Variants in GHRHR observed in about 807,000 individuals in gnomAD.
The protein encoded by GHRHR is growth hormone releasing hormone receptor.
GHRHR carries 40 observed loss-of-function variants against 58.3 expected under a neutral mutation model. The observed-to-expected ratio is 0.69, with a 90% CI of 0.53 to 0.89. GHRHR has a LOEUF of 0.89. Among genes scored for constraint, GHRHR ranks in the 40% least tolerant of loss-of-function variants. The probability of loss-of-function intolerance (pLI) is 0.00; values close to 1 mark genes in which losing one functional copy is unlikely to be tolerated. For missense variants in GHRHR, 551 were observed against 541.3 expected, an observed-to-expected ratio of 1.02 and a Z score of -0.18; for synonymous variants, 249 against 216.6, an observed-to-expected ratio of 1.15 and a Z score of -1.31.
At position 30,972,286 on chromosome 7, in the gene GHRHR, G is replaced by A. The variant is rs903510684; in HGVS notation, c.597+191G>A. 1.6e-5 allele frequency: 10 copies of A among 632,176 alleles called. No individual in the cohort carries two copies. In the African/African-American group the frequency reaches 1.6e-4, roughly 10 times the overall value. The allele number at this position is 632,176 out of a possible 1,614,324, so 39.2% of individuals were successfully genotyped here. On this transcript the variant is annotated intron_variant, in intron 6 of 12. Transcript: ENST00000326139. ...AGTCCTCACGCCTTTCCTGGACTGT[G>A]GTGTCGATCCATGTCATTTCCCATA...
chr7:30,967,602 T>A (rs867318346), intron 1 of GHRHR, among the ~76,000 whole-genome samples: 1 of 151,764 alleles, frequency 6.6e-6, no homozygotes, highest in East Asian at 1.9e-4. Flanking sequence ...GTCATCTGTC[T>A]ATCCATCCAT....
intron 11 of GHRHR, among the ~76,000 whole-genome samples, chr7:30,976,918 A>G (rs539756306): frequency 1.4e-5 from 2 of 139,672 alleles, no homozygotes; most frequent in East Asian, 4.2e-4. Flanking sequence ...CCATCTATAC[A>G]TCCATCCACC....
rs545142369 is a variant in GHRHR at position 30,966,969 on chromosome 7, G to A, written c.58-1865G>A. On this transcript the variant is annotated intron_variant, in intron 1 of 12. Coordinates refer to ENST00000326139, the MANE Select transcript of GHRHR (RefSeq NM_000823.4). ...TGTCCTGCTTCTGATCACAGTTTGCGCAGGGTCTATTAGGATCCAGCCCTT... is the reference window on the plus strand; with the variant it reads ...TGTCCTGCTTCTGATCACAGTTTGCACAGGGTCTATTAGGATCCAGCCCTT... 2.4e-4 allele frequency among the ~76,000 whole-genome samples: 37 copies of A among 152,238 alleles called. 1 individual carries two copies. The highest frequency in any genetic ancestry group is 3.4e-3 in the Middle Eastern group (1 of 294).
At chr7:30,968,978 T>A in intron 2 of GHRHR, 42 bp downstream of exon 2, 1 of 1,558,778 alleles carries the variant, frequency 6.4e-7, no homozygotes, top group Non-Finnish European at 8.8e-7. Flanking sequence ...TCTGATTCCT[T>A]TATATCCTCC....
intron 1 of GHRHR, among the ~76,000 whole-genome samples, chr7:30,965,779 C>T (rs1356354620): frequency 6.6e-6 from 1 of 152,244 alleles, no homozygotes; most frequent in Non-Finnish European, 1.5e-5. Context: ...CACAGCTCTT[C>T]CAACAGCCCA....
intron 1 of GHRHR, among the ~76,000 whole-genome samples, chr7:30,967,132 C>G (rs1353185783): frequency 6.6e-6 from 1 of 152,214 alleles, no homozygotes; most frequent in Non-Finnish European, 1.5e-5. Flanking sequence ...GTTTTGTAAA[C>G]TTGGCTTCCC....
intron 1 of GHRHR, among the ~76,000 whole-genome samples, chr7:30,965,862 C>T (rs1411110715): frequency 6.6e-6 from 1 of 152,240 alleles, no homozygotes; most frequent in East Asian, 1.9e-4. Context: ...TCCTTCCCCG[C>T]TTTGTGCGCT....
chr7:30,971,333 A>T lies in GHRHR; in HGVS notation c.464+117A>T, dbSNP rs537094779. ...CTTCCCAGATCTAGGCGCCATACCC[A>T]TGTCTAACTTTCCCTTCCCTTTTCC... On this transcript the variant is annotated intron_variant, in intron 5 of 12. Coordinates refer to ENST00000326139, the MANE Select transcript of GHRHR (RefSeq NM_000823.4). 42 of 703,358 alleles carry T rather than the reference A, an allele frequency of 6.0e-5. No homozygotes were observed. In the African/African-American group the frequency reaches 7.4e-4, roughly 12 times the overall value. The allele number at this position is 703,358 out of a possible 1,614,324, so 43.6% of individuals were successfully genotyped here.
chr7:30,975,734 C>A, intron 9 of GHRHR, 43 bp from the exon 10 acceptor site: 2 of 1,171,174 alleles, frequency 1.7e-6, no homozygotes, highest in Non-Finnish European at 2.6e-6. Context: ...CCAAGGCTAC[C>A]CCCTGACCCT....
At chr7:30,965,558 A>G (rs1047568748) in intron 1 of GHRHR, among the ~76,000 whole-genome samples, 1 of 152,204 alleles carries the variant, frequency 6.6e-6, no homozygotes, top group Non-Finnish European at 1.5e-5. Context: ...ATCTGGCCCT[A>G]TGCCCACACA....
chr7:30,978,619 C>T (rs575155647), intron 12 of GHRHR, among the ~76,000 whole-genome samples: 3 of 152,198 alleles, frequency 2.0e-5, no homozygotes, highest in Non-Finnish European at 4.4e-5. Flanking sequence ...CCCCCACCCC[C>T]CAATCCCACC....
At chr7:30,976,401 G>A (rs1272659082) in intron 10 of GHRHR, 28 bp from the exon 11 acceptor site, 1 of 1,606,116 alleles carries the variant, frequency 6.2e-7, no homozygotes, top group South Asian at 1.1e-5. Flanking sequence ...TCCCAGTCTT[G>A]GGAGCCTAGG....
rs1792488451 is a variant in GHRHR, at chr7:30,971,969, C to T, written c.471C>T (p.Leu157=). The part of the protein sequence containing the change: ...AITILVALRR[L]HCPRNYVHTQ... ...TTTCTCCCATTACCCCCAGGAGGCT[C>T]CACTGCCCCCGGAACTACGTCCACA... The change falls in exon 6 of 13, where the codon CTC becomes CTT. Residue 157 remains leucine (L), a synonymous_variant. Transcript: ENST00000326139. The T allele has an allele frequency of 1.2e-6, 2 of 1,613,868 alleles. No individual in the cohort carries two copies. Among genetic ancestry groups the T allele is most frequent in the South Asian group, 2.2e-5 (2 of 91,078 alleles).
In GHRHR at chr7:30,975,862, A is replaced by T. The variant is rs1421241117; in HGVS notation, c.968A>T (p.Gln323Leu). Residue 323 changes from glutamine (Q) to leucine (L), a missense_variant, in exon 10 of 13, where the codon CAG becomes CTG. Physicochemically the swap from Gln to Leu is moderately radical, Grantham distance 113. Coordinates refer to ENST00000326139, the MANE Select transcript of GHRHR (RefSeq NM_000823.4). ...CAGGGCAGCCTCCATACCCAGTCTCAGTATTGGTACTGTGTGTTTGTGTCT... is the reference window on the plus strand; with the variant it reads ...CAGGGCAGCCTCCATACCCAGTCTCTGTATTGGTACTGTGTGTTTGTGTCT... ...PAQGSLHTQS[Q>L]YWRLSKSTLF... 1.9e-6 allele frequency: 3 copies of T among 1,571,622 alleles called. No individual in the cohort carries two copies.
intron 10 of GHRHR, 126 bp from the exon 11 acceptor site, chr7:30,976,303 G>A (rs1346949762): frequency 2.4e-6 from 2 of 832,934 alleles, no homozygotes; most frequent in Non-Finnish European, 4.1e-6. Context: ...GTGGGGAGGT[G>A]GCGTTTCCCA....
At chr7:30,972,959 AC>A (rs1792506281) in intron 6 of GHRHR, among the ~76,000 whole-genome samples, 1 of 151,954 alleles carries the variant, frequency 6.6e-6, no homozygotes, top group Admixed American at 6.6e-5. Flanking sequence ...AGTGGTGTTG[AC>A]CCCCCTTTCA....
At chr7:30,975,155 C>T (rs555100018) in intron 9 of GHRHR, 115 bp downstream of exon 9, 2 of 785,600 alleles carry the variant, frequency 2.5e-6, no homozygotes, top group African/African-American at 3.4e-5. Context: ...AAACTGGGCT[C>T]CAGCCTTGCT....
At chr7:30,973,873 C>A in intron 6 of GHRHR, 112 bp from the exon 7 acceptor site, 1 of 1,095,140 alleles carries the variant, frequency 9.1e-7, no homozygotes, top group East Asian at 2.4e-5. Flanking sequence ...GCTGCAGGTC[C>A]CAGCCTAACA....
rs1324229576 is a variant in GHRHR at position 30,979,405 on chromosome 7, T to C, written c.*161T>C. 7.3e-6 allele frequency: 5 copies of C among 687,436 alleles called. No individual in the cohort carries two copies. The highest frequency in any genetic ancestry group is 1.3e-5 in the Non-Finnish European group (5 of 386,760). 42.6% of individuals were successfully genotyped at this position (687,436 alleles called of 1,614,324 possible). A position where few individuals can be genotyped will look rare whatever the true frequency, so the allele number is the denominator to read the frequency against. On this transcript the variant is annotated 3_prime_UTR_variant, in exon 13 of 13. Transcript: ENST00000326139. ...CCTGTCTCTGCATCTGACTCTCTTTTGAGGTCCCTGTATGTCTACCTCTGA... is the reference window on the plus strand; with the variant it reads ...CCTGTCTCTGCATCTGACTCTCTTTCGAGGTCCCTGTATGTCTACCTCTGA...
Sources: allele counts gnomAD v4.1 joint callset (sites outside exome capture counted in the v4.1 genomes callset), GRCh38; gene constraint gnomAD v4.1.1; transcripts MANE v1.5; gene names NCBI Gene and HGNC (gene_info 2026-07-23, HGNC 2026-07-21).